RAB37: variants seen among roughly 807,000 people sequenced by gnomAD.
RAB37 encodes RAB37, member RAS oncogene family.
RAB37 carries 29 observed loss-of-function variants against 33.1 expected under a neutral mutation model. The ratio of observed to expected loss-of-function variants is 0.88; its 90% CI spans 0.65 to 1.20. The LOEUF is 1.20. RAB37 is among the 50% of genes most tolerant of loss of function. The pLI is 0.00. For missense variants in RAB37, 299 were observed against 301.1 expected (o/e 0.99, Z 0.05); for synonymous variants, 128 against 119.5 (o/e 1.07, Z -0.47).
In RAB37 at chr17:74,698,417, C is replaced by T. The variant is rs35919215; in HGVS notation, c.72+26759C>T. On this transcript the variant is annotated intron_variant, in intron 1 of 7. Coordinates refer to the RAB37 transcript ENST00000340415. Reference sequence around the variant, plus strand: ...CTCCAAGCCAAGAGTGAGGCGGCCACCAAAAGCAGCAGCAATATGGTGAAG... The same window carrying T: ...CTCCAAGCCAAGAGTGAGGCGGCCATCAAAAGCAGCAGCAATATGGTGAAG... 44 of 1,613,954 alleles carry T rather than the reference C, an allele frequency of 2.7e-5. No homozygotes were observed. In the African/African-American group the frequency reaches 5.2e-4, roughly 19 times the overall value.
At chr17:74,728,753 TG>T (rs2034342639) in intron 1 of RAB37, among the ~76,000 whole-genome samples, 1 of 152,070 alleles carries the variant, frequency 6.6e-6, no homozygotes, top group Admixed American at 6.5e-5. Context: ...TTTCTGTGTC[TG>T]TATGTGTCTT....
At chr17:74,695,382 T>TC (rs766660500) in intron 1 of RAB37, 14 of 1,114,736 alleles carry the variant, frequency 1.3e-5, no homozygotes, top group Non-Finnish European at 1.8e-5. Context: ...CCCTCCAGCT[T>TC]CCCCCTTCAC....
chr17:74,715,697 C>G (rs2034156453), intron 1 of RAB37, among the ~76,000 whole-genome samples: 1 of 152,160 alleles, frequency 6.6e-6, no homozygotes, highest in Non-Finnish European at 1.5e-5. Flanking sequence ...TCTCCCAGAC[C>G]TGGCCTCCCC....
chr17:74,706,274 A>C (rs1017902136), intron 1 of RAB37, among the ~76,000 whole-genome samples: 3 of 138,722 alleles, frequency 2.2e-5, no homozygotes, highest in African/African-American at 8.5e-5. Flanking sequence ...ATTTTAAAGG[A>C]AAAAAAAAAT....
upstream of RAB37, chr17:74,737,129 TG>T (rs1179378049): frequency 6.3e-7 from 1 of 1,589,848 alleles, no homozygotes; most frequent in East Asian, 2.3e-5. Flanking sequence ...TCCGAGCCGG[TG>T]TCGTCGAGGG....
At chr17:74,710,483 A>C (rs2033865667) in intron 1 of RAB37, among the ~76,000 whole-genome samples, 1 of 152,240 alleles carries the variant, frequency 6.6e-6, no homozygotes, top group Non-Finnish European at 1.5e-5. Flanking sequence ...TAAAGTAGAA[A>C]AGTGCTCATT....
At chr17:74,719,139 A>G (rs532393427) in intron 1 of RAB37, among the ~76,000 whole-genome samples, 1 of 152,336 alleles carries the variant, frequency 6.6e-6, no homozygotes, top group South Asian at 2.1e-4. Flanking sequence ...CCTCCAGTTA[A>G]TACTTTCTTT....
At chr17:74,728,230 G>C (rs1189483558) in intron 1 of RAB37, among the ~76,000 whole-genome samples, 2 of 151,970 alleles carry the variant, frequency 1.3e-5, no homozygotes, top group Non-Finnish European at 1.5e-5. Flanking sequence ...GTGTGCTTGT[G>C]TCTGTATATG....
chr17:74,698,352 C>A (rs1159257643), intron 1 of RAB37: 2 of 1,577,296 alleles, frequency 1.3e-6, no homozygotes, highest in South Asian at 2.2e-5. Flanking sequence ...AGCCCAGCCT[C>A]ACCCAGGTCC....
rs899750114 is a variant in RAB37, at chr17:74,745,127, C to T, written c.566+43C>T. 2 of 1,605,344 alleles carry T rather than the reference C, an allele frequency of 1.2e-6. No individual in the cohort carries two copies. Among genetic ancestry groups the T allele is most frequent in the Non-Finnish European group, 1.7e-6 (2 of 1,172,892 alleles). On this transcript the variant is annotated intron_variant, in intron 8 of 8. Coordinates refer to ENST00000392613, the MANE Select transcript of RAB37 (RefSeq NM_001006638.3). The surrounding 1 kb of genome is among the most constrained non-coding windows in gnomAD (Gnocchi z 4.5). ...AAGGGAAGTGTGCGGGGCAGGGCGGCACACTCCAGGAATCCAGTAGGGCCC... is the reference window on the plus strand; with the variant it reads ...AAGGGAAGTGTGCGGGGCAGGGCGGTACACTCCAGGAATCCAGTAGGGCCC...
rs2034740591 is a variant in RAB37 at position 74,745,503 on chromosome 17, G to C, written c.*92G>C. 5 of 1,056,544 alleles carry C rather than the reference G, an allele frequency of 4.7e-6. No individual in the cohort carries two copies. Among genetic ancestry groups the C allele is most frequent in the South Asian group, 4.0e-5 (3 of 74,392 alleles). 65.4% of individuals were successfully genotyped at this position (1,056,544 alleles called of 1,614,324 possible). On this transcript the variant is annotated 3_prime_UTR_variant, in exon 9 of 9. Transcript: ENST00000392613. This position sits in a 1 kb window ranked among gnomAD's most constrained non-coding sequence, Gnocchi z 4.5. ...CTTATTCCAAGAGGCTGAGCCAATG[G>C]GGAGAAAGATGGAGGACTCACTGCA...
chr17:74,719,316 G>C (rs943993135), intron 1 of RAB37, among the ~76,000 whole-genome samples: 4 of 152,036 alleles, frequency 2.6e-5, no homozygotes, highest in Admixed American at 2.6e-4. Flanking sequence ...TGGGCACAGT[G>C]GCATGTGCCT....
At chr17:74,690,630 C>T (rs553800608) in intron 1 of RAB37, among the ~76,000 whole-genome samples, 50 of 152,134 alleles carry the variant, frequency 3.3e-4, no homozygotes, top group Non-Finnish European at 6.0e-4. Flanking sequence ...CTCCTCTCGC[C>T]CCAGCTACTT....
At chr17:74,724,413 T>C (rs1280593180) in intron 1 of RAB37, among the ~76,000 whole-genome samples, 1 of 152,180 alleles carries the variant, frequency 6.6e-6, no homozygotes, top group African/African-American at 2.4e-5. Context: ...GATGAATAGA[T>C]GGGAGGTAGG....
chr17:74,705,214 A>T (rs2033409815), intron 1 of RAB37: 1 of 702,480 alleles, frequency 1.4e-6, no homozygotes, highest in African/African-American at 1.7e-5. Flanking sequence ...CTTGACTCTT[A>T]GCACTGATGA....
At chr17:74,714,964 A>G (rs1482716416) in intron 1 of RAB37, among the ~76,000 whole-genome samples, 2 of 152,170 alleles carry the variant, frequency 1.3e-5, no homozygotes, top group Admixed American at 1.3e-4. Flanking sequence ...TCTACTAAAA[A>G]TACAAAACTT....
chr17:74,683,750 G>A (rs1416257268), intron 1 of RAB37, among the ~76,000 whole-genome samples: 3 of 152,160 alleles, frequency 2.0e-5, no homozygotes, highest in Non-Finnish European at 4.4e-5. Context: ...CTCACACCAC[G>A]CCTGGTTTTG....
rs1220210202 is a variant in RAB37 at position 74,723,311 on chromosome 17, A to T, written c.73-5945A>T. 5.5e-4 allele frequency among the ~76,000 whole-genome samples: 83 copies of T among 152,066 alleles called. 1 individual carries two copies. Among genetic ancestry groups the T allele is most frequent in the Non-Finnish European group, 2.9e-5 (2 of 68,002 alleles). The stretch of plus-strand genomic sequence containing the variant: ...AACACAATGCTCAAACGCAGTAACA[A>T]CCTAACCTCACTCTGGGATGGAAGA... On this transcript the variant is annotated intron_variant, in intron 1 of 7. Transcript: ENST00000340415.
At chr17:74,724,735 C>T (rs1040824265) in intron 1 of RAB37, among the ~76,000 whole-genome samples, 1 of 152,152 alleles carries the variant, frequency 6.6e-6, no homozygotes, top group African/African-American at 2.4e-5. Context: ...AGAAAAGAAC[C>T]TTCTTAAGGG....
Sources: gnomAD v4.1 joint callset for allele counts (sites outside exome capture counted in the v4.1 genomes callset) on GRCh38, gnomAD v4.1.1 for gene constraint, Gnocchi (gnomAD v3.1) non-coding constraint, MANE v1.5 for transcripts, NCBI Gene and HGNC (gene_info 2026-07-23, HGNC 2026-07-21) for gene names.